TBC1D24: variants seen among roughly 807,000 people sequenced by gnomAD.
The protein encoded by TBC1D24 is TBC1 domain family member 24.
Under a neutral mutation model 50.7 loss-of-function variants are expected in TBC1D24, and 47 were observed. The observed-to-expected ratio is 0.93, with a 90% CI of 0.73 to 1.18. The LOEUF (loss-of-function observed/expected upper bound fraction) is 1.18. TBC1D24 is among the 50% of genes most tolerant of loss of function. The pLI, the probability that TBC1D24 is intolerant of heterozygous loss-of-function variation, is 0.00. For synonymous variants in TBC1D24, 324 were observed against 335.2 expected, an observed-to-expected ratio of 0.97 and a Z score of 0.36; for missense variants, 688 against 766.5, an observed-to-expected ratio of 0.90 and a Z score of 1.21.
rs1232564887 is a variant in TBC1D24, at chr16:2,500,536, G to C, written c.1525+46G>C. 6.6e-7 allele frequency: 1 copy of C among 1,523,154 alleles called. No homozygotes were observed. The highest frequency in any genetic ancestry group is 8.8e-7 in the Non-Finnish European group (1 of 1,132,834). 94.4% of individuals were successfully genotyped at this position (1,523,154 alleles called of 1,614,324 possible). A position where few individuals can be genotyped will look rare whatever the true frequency, so the allele number is the denominator to read the frequency against. On this transcript the variant is annotated intron_variant, in intron 7 of 7. Transcript: ENST00000646147. The surrounding 1 kb of genome is among the most constrained non-coding windows in gnomAD (Gnocchi z 8.0). ...CTCTGGGATGAGGGTGTGGGGTCCG[G>C]GCAGCTGAAGCTGCTGCACCCAGCC...
rs375571181 is a variant in TBC1D24 at position 2,498,306 on chromosome 16, G to A, written c.1052G>A (p.Arg351Lys). The A allele has an allele frequency of 3.1e-6, 5 of 1,611,540 alleles. No individual in the cohort carries two copies. The African/African-American group carries it at 5.3e-5, about 17-fold the overall frequency. ...RSEIVSVREM[R>K]DIWSWVPERF... is the part of the protein sequence containing the mutation. ...GAGATCGTCAGCGTGAGGGAGATGA[G>A]AGACATCTGGTCCTGGGTCCCCGAG... The change falls in exon 4 of 8, where the codon AGA (arginine) becomes AAA (lysine). Residue 351 changes from arginine (R) to lysine (K), a missense_variant. Arg to Lys is a conservative substitution (Grantham distance 26). Transcript: ENST00000646147.
intron 1 of TBC1D24, among the ~76,000 whole-genome samples, chr16:2,489,263 C>G (rs1314860933): frequency 6.6e-6 from 1 of 150,562 alleles, no homozygotes; most frequent in Non-Finnish European, 1.5e-5. Flanking sequence ...AATCCCATCT[C>G]TACTAAAAAT....
chr16:2,499,950 C>T lies in TBC1D24; in HGVS notation c.1302+20C>T. 1 of 1,607,820 alleles carries T rather than the reference C, an allele frequency of 6.2e-7. No homozygotes were observed. Among genetic ancestry groups the T allele is most frequent in the Non-Finnish European group, 8.5e-7 (1 of 1,174,380 alleles). On this transcript the variant is annotated intron_variant, in intron 6 of 7. Coordinates refer to ENST00000646147, the MANE Select transcript of TBC1D24 (RefSeq NM_001199107.2). This position sits in a 1 kb window ranked among gnomAD's most constrained non-coding sequence, Gnocchi z 4.0. ...TTTAGGGTGAGTGGGGCCAAGTGTCCCCAAACCCCCACGCAGACCCTGTAG... is the reference window on the plus strand; with the variant it reads ...TTTAGGGTGAGTGGGGCCAAGTGTCTCCAAACCCCCACGCAGACCCTGTAG...
At chr16:2,490,107 C>T (rs2141863742) in intron 1 of TBC1D24, among the ~76,000 whole-genome samples, 1 of 152,308 alleles carries the variant, frequency 6.6e-6, no homozygotes, top group South Asian at 2.1e-4. Context: ...AGAGGTGTGC[C>T]CTGAGGATCC....
In TBC1D24 at chr16:2,499,341, C is replaced by G. The variant is rs776751258; in HGVS notation, c.1143-16C>G. 2.5e-6 allele frequency: 4 copies of G among 1,610,270 alleles called. No homozygotes were observed. Among genetic ancestry groups the G allele is most frequent in the Non-Finnish European group, 3.4e-6 (4 of 1,178,204 alleles). On this transcript the variant is annotated splice_polypyrimidine_tract_variant and intron_variant, in intron 4 of 7. Transcript: ENST00000646147. This position sits in a 1 kb window ranked among gnomAD's most constrained non-coding sequence, Gnocchi z 4.0. ...GGTGTGCAGGGTGACAGCTGGCATG[C>G]GTGTCTCTACGCCAGGTTCTACTTC...
In TBC1D24 at chr16:2,502,098, G is replaced by C. The variant is rs1386730783; in HGVS notation, c.*1140G>C. On this transcript the variant is annotated 3_prime_UTR_variant, in exon 8 of 8. Coordinates refer to ENST00000646147, the MANE Select transcript of TBC1D24 (RefSeq NM_001199107.2). ...TGCATGTCCTCCCTCTGTCCCTCTT[G>C]TGGTGCTGTGGCTGGCCACGTGTCA... 6.6e-6 allele frequency: 1 copy of C among 152,662 alleles called. No homozygotes were observed. Among genetic ancestry groups the C allele is most frequent in the African/African-American group, 2.4e-5 (1 of 41,476 alleles). 9.5% of individuals were successfully genotyped at this position (152,662 alleles called of 1,614,324 possible). A position where few individuals can be genotyped will look rare whatever the true frequency, so the allele number is the denominator to read the frequency against.
chr16:2,478,892 T>C (rs887985305), intron 1 of TBC1D24: 3 of 151,264 alleles, frequency 2.0e-5, no homozygotes, highest in East Asian at 1.9e-4. Context: ...TTTCTTTTTT[T>C]TTTTTTTTCG....
chr16:2,492,937 A>C (rs2141866842), intron 1 of TBC1D24, among the ~76,000 whole-genome samples: 1 of 151,858 alleles, frequency 6.6e-6, no homozygotes. Context: ...TACTAAAAAT[A>C]CAAAATTAGC....
rs903794587 is a variant in TBC1D24, at chr16:2,487,213, C to T, written c.-115-8821C>T. ...TTTCCGCCCCTTCCACAGCAGCAGGCACAGCCCTGCCCGTGGGGTTCCCCT... is the reference window on the plus strand; with the variant it reads ...TTTCCGCCCCTTCCACAGCAGCAGGTACAGCCCTGCCCGTGGGGTTCCCCT... On this transcript the variant is annotated intron_variant, in intron 1 of 7. Coordinates refer to ENST00000646147, the MANE Select transcript of TBC1D24 (RefSeq NM_001199107.2). This position sits in a 1 kb window ranked among gnomAD's most constrained non-coding sequence, Gnocchi z 4.1. 1.3e-5 allele frequency among the ~76,000 whole-genome samples: 2 copies of T among 152,248 alleles called. No homozygotes were observed. The highest frequency in any genetic ancestry group is 1.3e-4 in the Admixed American group (2 of 15,290).
intron 1 of TBC1D24, chr16:2,477,848 G>A (rs2065580772): frequency 6.6e-6 from 1 of 152,284 alleles, no homozygotes; most frequent in African/African-American, 2.4e-5. Context: ...AAGAACAAGT[G>A]AGGGAAAGTG....
Position 2,500,599 on chromosome 16 carries a change from T to G in TBC1D24, c.1525+109T>G. On this transcript the variant is annotated intron_variant, in intron 7 of 7. Coordinates refer to ENST00000646147, the MANE Select transcript of TBC1D24 (RefSeq NM_001199107.2). This position sits in a 1 kb window ranked among gnomAD's most constrained non-coding sequence, Gnocchi z 8.0. ...GGTGGCAGAGAAGAGGCCCTGGGTGTCAGGGTGGACCAGGCATGATGGGTG... is the reference window on the plus strand; with the variant it reads ...GGTGGCAGAGAAGAGGCCCTGGGTGGCAGGGTGGACCAGGCATGATGGGTG... 7.4e-7 allele frequency: 1 copy of G among 1,342,454 alleles called. No homozygotes were observed. Among genetic ancestry groups the G allele is most frequent in the Non-Finnish European group, 1.0e-6 (1 of 988,074 alleles). 83.2% of individuals were successfully genotyped at this position (1,342,454 alleles called of 1,614,324 possible).
In TBC1D24 at chr16:2,496,384, G is replaced by C. The variant is rs1211646980; in HGVS notation, c.236G>C (p.Gly79Ala). The C allele has an allele frequency of 6.2e-7, 1 of 1,613,262 alleles. No individual in the cohort carries two copies. Among genetic ancestry groups the C allele is most frequent in the East Asian group, 2.2e-5 (1 of 44,856 alleles). The change falls in exon 2 of 8, where the codon GGC (glycine) becomes GCC (alanine). Residue 79 changes from glycine to alanine, a missense_variant. Transcript: ENST00000646147. ...PDASVYSDIV[G>A]KIVGKHSSSC... Reference sequence around the variant, plus strand: ...GCCAGCGTGTACAGCGACATCGTGGGCAAGATCGTGGGCAAGCACAGCAGC... The same window carrying C: ...GCCAGCGTGTACAGCGACATCGTGGCCAAGATCGTGGGCAAGCACAGCAGC...
Position 2,482,103 on chromosome 16 carries a change from C to T in TBC1D24, c.-116+6933C>T, listed in dbSNP as rs1005760000. ...AAGATGCCTGCAGGAAAGGTCACAC[C>T]TAGGGTGGGTGGACTAGTAATGCTC... On this transcript the variant is annotated intron_variant, in intron 1 of 7. Transcript: ENST00000646147. The surrounding 1 kb of genome is among the most constrained non-coding windows in gnomAD (Gnocchi z 5.2). 6.6e-5 allele frequency: 10 copies of T among 152,272 alleles called. No homozygotes were observed. The allele number at this position is 152,272 out of a possible 1,614,324, so 9.4% of individuals were successfully genotyped here.
Position 2,497,716 on chromosome 16 carries a change from A to C in TBC1D24, c.972A>C (p.Ser324=), listed in dbSNP as rs886043654. Residue 324 remains serine, a synonymous_variant, in exon 3 of 8, where the codon TCA becomes TCC. Coordinates refer to ENST00000646147, the MANE Select transcript of TBC1D24 (RefSeq NM_001199107.2). ...KGITVKQKSV[S]LSKRQFVHLA... ...GCTTTCTCCTGTTTTTCAGTGTGTC[A>C]CTTTCTAAAAGGTAGGTCTGAAACT... 59 of 1,535,802 alleles carry C rather than the reference A, an allele frequency of 3.8e-5. No homozygotes were observed. Among genetic ancestry groups the C allele is most frequent in the Middle Eastern group, 1.7e-4 (1 of 6,012 alleles).
At chr16:2,497,870 C>G (rs899941120) in intron 3 of TBC1D24, 143 bp downstream of exon 3, 24 of 836,672 alleles carry the variant, frequency 2.9e-5, no homozygotes, top group Non-Finnish European at 4.4e-5. Flanking sequence ...GATGCTCAGG[C>G]GCCTTCTGTC....
intron 1 of TBC1D24, chr16:2,479,975 G>C (rs1025028654): frequency 5.3e-5 from 8 of 152,166 alleles, no homozygotes; most frequent in African/African-American, 1.9e-4. Context: ...TGGGATTACA[G>C]GCGTGTGCCA....
At chr16:2,497,887 T>C (rs563467522) in intron 3 of TBC1D24, among the ~76,000 whole-genome samples, 160 bp downstream of exon 3, 2 of 152,328 alleles carry the variant, frequency 1.3e-5, no homozygotes, top group South Asian at 2.1e-4. Flanking sequence ...TGTCTGTCTG[T>C]CTGCCTGCCT....
At chr16:2,489,248 G>A (rs1389609657) in intron 1 of TBC1D24, among the ~76,000 whole-genome samples, 1 of 151,582 alleles carries the variant, frequency 6.6e-6, no homozygotes, top group Non-Finnish European at 1.5e-5. Context: ...TGGCCAACAT[G>A]GTGAAATCCC....
At chr16:2,488,119 T>C (rs2065665371) in intron 1 of TBC1D24, among the ~76,000 whole-genome samples, 1 of 152,218 alleles carries the variant, frequency 6.6e-6, no homozygotes, top group Non-Finnish European at 1.5e-5. Flanking sequence ...GCCACACTCT[T>C]GACAGACGGC....
Sources: allele counts gnomAD v4.1 joint callset (sites outside exome capture counted in the v4.1 genomes callset), GRCh38; gene constraint gnomAD v4.1.1; non-coding constraint Gnocchi (gnomAD v3.1); transcripts MANE v1.5; gene names NCBI Gene and HGNC (gene_info 2026-07-23, HGNC 2026-07-21).